NUP210L: variants seen among roughly 807,000 people sequenced by gnomAD.
NUP210L encodes the protein nucleoporin 210 like.
A neutral mutation model predicts 208.5 loss-of-function variants in NUP210L; 74 were observed. That is an observed-to-expected ratio of 0.35 (90% CI 0.29 to 0.43). The LOEUF (loss-of-function observed/expected upper bound fraction) is 0.43. Ranked by LOEUF, NUP210L falls within the 20% of genes least tolerant of loss-of-function variation. The pLI is 1.00. For synonymous variants in NUP210L, 780 were observed against 816.9 expected, an observed-to-expected ratio of 0.95 and a Z score of 0.77; for missense variants, 1,843 against 2,289.4, an observed-to-expected ratio of 0.81 and a Z score of 3.98.
chr1:154,003,994 CAGACCCATTAGTCTGGTCT>C (rs1367104736), intron 35 of NUP210L, among the ~76,000 whole-genome samples: 2 of 151,750 alleles, frequency 1.3e-5, no homozygotes, highest in Non-Finnish European at 2.9e-5. Flanking sequence ...TAGTCTGGTC[CAGACCCATTAGTCTGGTCT>C]AGACCCTTAT....
At chr1:154,071,019 C>G (rs1034376272) in intron 16 of NUP210L, among the ~76,000 whole-genome samples, 1 of 150,786 alleles carries the variant, frequency 6.6e-6, no homozygotes, top group Non-Finnish European at 1.5e-5. Flanking sequence ...GGCACATTTG[C>G]CCTTTTTTGT....
At chr1:154,011,125 A>C (rs1650888427) in intron 34 of NUP210L, among the ~76,000 whole-genome samples, 1 of 152,050 alleles carries the variant, frequency 6.6e-6, no homozygotes, top group Non-Finnish European at 1.5e-5. Context: ...GCAAAATCAA[A>C]GGGACTGATG....
intron 35 of NUP210L, among the ~76,000 whole-genome samples, chr1:154,005,376 G>C (rs1403508427): frequency 6.8e-6 from 1 of 147,962 alleles, no homozygotes; most frequent in Non-Finnish European, 1.5e-5. Flanking sequence ...CAAGTAGCGT[G>C]AGCCACCAGG....
At chr1:154,142,778 A>G (rs1658917976) in intron 3 of NUP210L, among the ~76,000 whole-genome samples, 1 of 152,104 alleles carries the variant, frequency 6.6e-6, no homozygotes, top group South Asian at 2.1e-4. Context: ...ATTCCCAGCT[A>G]CTTGGGAGGC....
At position 154,081,108 on chromosome 1, in the gene NUP210L, A is replaced by T. The variant is rs1432300576; in HGVS notation, c.2361+8313T>A. Among the ~76,000 whole-genome samples the T allele has an allele frequency of 2.6e-5, 4 of 152,234 alleles. No homozygotes were observed. In the East Asian group the frequency reaches 7.7e-4, roughly 29 times the overall value. On this transcript the variant is annotated intron_variant, in intron 16 of 39. Coordinates refer to ENST00000368559, the Ensembl canonical transcript of NUP210L. ...AGACATAATGCCTACCTTATCAGTAATTACATTAAGTATAAATAAATTTTA... is the reference window on the plus strand; with the variant it reads ...AGACATAATGCCTACCTTATCAGTATTTACATTAAGTATAAATAAATTTTA...
chr1:154,025,187 C>T (rs565523596), intron 30 of NUP210L, among the ~76,000 whole-genome samples: 1 of 152,056 alleles, frequency 6.6e-6, no homozygotes, highest in East Asian at 1.9e-4. Flanking sequence ...CTCAGCCTCC[C>T]AAAGTGCTGG....
rs992206776 is a variant in NUP210L at position 154,057,947 on chromosome 1, C to T, written c.3107+142G>A. 6.1e-5 allele frequency: 54 copies of T among 884,394 alleles called. 1 individual carries two copies. The highest frequency in any genetic ancestry group is 4.9e-4 in the South Asian group (30 of 61,428). 54.8% of individuals were successfully genotyped at this position (884,394 alleles called of 1,614,324 possible). A position where few individuals can be genotyped will look rare whatever the true frequency, so the allele number is the denominator to read the frequency against. On this transcript the variant is annotated intron_variant, in intron 22 of 39. Transcript: ENST00000368559. ...TGTAGAGAGCTGAATATGGGAAGAG[C>T]GTATGGGCTGAAATGTATTCTAACA...
chr1:154,071,421 G>C (rs1654720945), intron 16 of NUP210L, among the ~76,000 whole-genome samples: 1 of 151,806 alleles, frequency 6.6e-6, no homozygotes, highest in South Asian at 2.1e-4. Context: ...GACCCAACTT[G>C]TAGTCTTTTA....
intron 13 of NUP210L, among the ~76,000 whole-genome samples, chr1:154,101,916 G>A (rs898022773): frequency 1.1e-4 from 17 of 152,158 alleles, no homozygotes; most frequent in African/African-American, 2.7e-4. Flanking sequence ...TTGGGAGGCC[G>A]AGGCAGGTGG....
intron 7 of NUP210L, among the ~76,000 whole-genome samples, chr1:154,132,752 A>T (rs534615770): frequency 6.6e-6 from 1 of 152,338 alleles, no homozygotes; most frequent in Admixed American, 6.5e-5. Flanking sequence ...TTTATTTTGT[A>T]GGTATGATTG....
rs1656383913 is a variant in NUP210L, at chr1:154,100,104, T to C, written c.1859A>G (p.His620Arg). The change falls in exon 14 of 40, where the codon CAT (histidine) becomes CGT (arginine). Residue 620 changes from histidine (H) to arginine (R), a missense_variant. Transcript: ENST00000368559. ...ATGGCCAAGAGATTTAGCTGCGATA[T>C]GTGTACTGGAACAATGCATTGGTCC... 1 of 1,613,926 alleles carries C rather than the reference T, an allele frequency of 6.2e-7. No individual in the cohort carries two copies. Among genetic ancestry groups the C allele is most frequent in the Admixed American group, 1.7e-5 (1 of 59,980 alleles).
chr1:154,024,494 C>T (rs986971785), intron 30 of NUP210L, among the ~76,000 whole-genome samples: 2 of 151,944 alleles, frequency 1.3e-5, no homozygotes, highest in African/African-American at 4.8e-5. Context: ...TCTCTGAGGT[C>T]TTTTCTCAAT....
chr1:154,001,127 TC>T, intron 36 of NUP210L, 67 bp from the exon 37 acceptor site: 4 of 1,240,740 alleles, frequency 3.2e-6, no homozygotes, highest in Non-Finnish European at 4.7e-6. Flanking sequence ...TATGTTCCAA[TC>T]TGAAACATAT....
chr1:154,084,290 C>A (rs571567648), intron 16 of NUP210L, among the ~76,000 whole-genome samples: 5 of 151,270 alleles, frequency 3.3e-5, no homozygotes, highest in African/African-American at 1.2e-4. Context: ...CGGTTCACTG[C>A]AACCTCCATC....
chr1:154,013,302 G>A (rs1019398857), intron 33 of NUP210L, among the ~76,000 whole-genome samples: 2 of 152,158 alleles, frequency 1.3e-5, no homozygotes, highest in East Asian at 1.9e-4. Context: ...GGCCAGGTGC[G>A]GTGGCTCATG....
Position 154,120,495 on chromosome 1 carries a change from G to A in NUP210L, c.1327-1687C>T, listed in dbSNP as rs1212342305. 3.3e-5 allele frequency among the ~76,000 whole-genome samples: 5 copies of A among 152,106 alleles called. No homozygotes were observed. The Middle Eastern group carries it at 0.01, about 313-fold the overall frequency. On this transcript the variant is annotated intron_variant, in intron 10 of 39. Transcript: ENST00000368559. ...CCTGTCATGGGGTTGGGGGAGGGGGGAAGGATAGCATTAGGAGATATACCT... is the reference window on the plus strand; with the variant it reads ...CCTGTCATGGGGTTGGGGGAGGGGGAAAGGATAGCATTAGGAGATATACCT...
intron 20 of NUP210L, among the ~76,000 whole-genome samples, 186 bp downstream of exon 20, chr1:154,060,354 A>ACTGT (rs1654071023): frequency 6.6e-6 from 1 of 152,194 alleles, no homozygotes; most frequent in Admixed American, 6.6e-5. Context: ...GATCTCTTAT[A>ACTGT]CTGTCTCTGT....
At chr1:154,014,518 C>T (rs1416568538) in intron 33 of NUP210L, among the ~76,000 whole-genome samples, 1 of 152,176 alleles carries the variant, frequency 6.6e-6, no homozygotes, top group Non-Finnish European at 1.5e-5. Flanking sequence ...AATTTTCCCT[C>T]TCTACCCTTA....
At chr1:154,025,779 T>TA in intron 29 of NUP210L, 63 bp from the exon 30 acceptor site, 2 of 1,459,742 alleles carry the variant, frequency 1.4e-6, no homozygotes, top group Non-Finnish European at 1.9e-6. Context: ...GAGAAAAGAG[T>TA]AAAAATTTCC....
Sources: allele counts gnomAD v4.1 joint callset (sites outside exome capture counted in the v4.1 genomes callset), GRCh38; gene constraint gnomAD v4.1.1; transcripts MANE v1.5; gene names NCBI Gene and HGNC (gene_info 2026-07-23, HGNC 2026-07-21).